CSMD3: variants seen among roughly 807,000 people sequenced by gnomAD.
CSMD3 encodes CUB and Sushi multiple domains 3.
In CSMD3, 177 loss-of-function variants were observed where a neutral mutation model predicts 435.2. The observed-to-expected ratio is 0.41, with a 90% CI of 0.36 to 0.46. The LOEUF (loss-of-function observed/expected upper bound fraction) is 0.46. Ranked by LOEUF, CSMD3 falls within the 20% of genes least tolerant of loss-of-function variation. CSMD3 has a pLI of 0.34. For synonymous variants in CSMD3, 1,656 were observed against 1,520.5 expected (o/e 1.09, Z -2.07); for missense variants, 4,265 against 4,504.6 (o/e 0.95, Z 1.52).
At chr8:112,435,701 G>A (rs1289795398) in intron 32 of CSMD3, among the ~76,000 whole-genome samples, 1 of 151,808 alleles carries the variant, frequency 6.6e-6, no homozygotes, top group Non-Finnish European at 1.5e-5. Context: ...AACACAGATG[G>A]GGCACATTTT....
At chr8:112,642,875 C>T (rs1274505569) in intron 20 of CSMD3, among the ~76,000 whole-genome samples, 2 of 152,132 alleles carry the variant, frequency 1.3e-5, no homozygotes, top group East Asian at 3.9e-4. Flanking sequence ...AACACAAATA[C>T]TGTCTTCTTC....
chr8:112,287,287 C>T (rs2130638589), intron 57 of CSMD3, 41 bp from the exon 58 acceptor site: 1 of 1,604,340 alleles, frequency 6.2e-7, no homozygotes, highest in Non-Finnish European at 8.5e-7. Flanking sequence ...TTCCCATAAA[C>T]ATTTATTAAG....
intron 27 of CSMD3, among the ~76,000 whole-genome samples, chr8:112,524,531 G>T (rs1017467533): frequency 1.3e-5 from 2 of 151,912 alleles, no homozygotes; most frequent in Non-Finnish European, 2.9e-5. Context: ...TCAACAGGAT[G>T]ATATCCTTAC....
chr8:112,335,819 T>G lies in CSMD3; in HGVS notation c.7020-345A>C, dbSNP rs142083653. ...CTTTTATTTTCTTCAGCAACAGTCT[T>G]GAGAATCACAGACTGTTAAAGTTAC... is the stretch of plus-strand genomic sequence containing the variant. On this transcript the variant is annotated intron_variant, in intron 44 of 70. Transcript: ENST00000297405. Among the ~76,000 whole-genome samples the G allele has an allele frequency of 1.2e-3, 184 of 152,112 alleles. 1 individual carries two copies. The highest frequency in any genetic ancestry group is 4.4e-3 in the African/African-American group (181 of 41,522).
chr8:112,462,777 T>G (rs1341046630), intron 32 of CSMD3, among the ~76,000 whole-genome samples: 1 of 152,170 alleles, frequency 6.6e-6, no homozygotes, highest in Non-Finnish European at 1.5e-5. Flanking sequence ...CCACCACTCC[T>G]CCTTCCCCTC....
rs1825983856 is a variant in CSMD3, at chr8:112,349,823, C to T, written c.6325+1352G>A. Among the ~76,000 whole-genome samples the T allele has an allele frequency of 4.6e-5, 7 of 152,232 alleles. No individual in the cohort carries two copies. The South Asian group carries it at 1.0e-3, about 23-fold the overall frequency. ...CATCACTCTTAAACATTTTTCAGTA[C>T]TCTTCAAAAAGAATTGTGTGCATTT... On this transcript the variant is annotated intron_variant, in intron 40 of 70. Transcript: ENST00000297405.
chr8:112,565,157 G>A (rs902307672), intron 24 of CSMD3, among the ~76,000 whole-genome samples: 2 of 151,894 alleles, frequency 1.3e-5, no homozygotes, highest in African/African-American at 2.4e-5. Context: ...ACTATATCAC[G>A]CAGCATTGAT....
At chr8:113,210,280 G>A (rs1391817573) in intron 3 of CSMD3, among the ~76,000 whole-genome samples, 2 of 152,036 alleles carry the variant, frequency 1.3e-5, no homozygotes, top group Non-Finnish European at 2.9e-5. Context: ...GATTCATGGA[G>A]TATGAGCACT....
chr8:112,228,849 T>C lies in CSMD3; in HGVS notation c.10871A>G (p.His3624Arg). 1.3e-6 allele frequency: 2 copies of C among 1,590,964 alleles called. No individual in the cohort carries two copies. The highest frequency in any genetic ancestry group is 1.7e-6 in the Non-Finnish European group (2 of 1,159,772). The stretch of plus-strand genomic sequence containing the variant: ...GGCTACAGAACTACTATTTGTACCA[T>C]GAGGTTGATTTGAAGAATTTGAACC... The part of the protein sequence containing the change: ...SEGSNSSNQP[H>R]GTNSSSVAIA... Residue 3624 changes from histidine (H) to arginine (R), a missense_variant, in exon 70 of 71, where the codon CAT (histidine) becomes CGT (arginine). Physicochemically the swap from His to Arg is conservative, Grantham distance 29. This residue lies in a region of CSMD3 where 3,255 missense variants were observed against 3,380.2 expected (regional missense o/e 0.96). Transcript: ENST00000297405.
At chr8:112,717,943 AG>A (rs2076769861) in intron 13 of CSMD3, among the ~76,000 whole-genome samples, 3 of 152,126 alleles carry the variant, frequency 2.0e-5, no homozygotes, top group Non-Finnish European at 4.4e-5. Context: ...GGAGAGCATC[AG>A]GACAAATACC....
chr8:112,527,631 G>T (rs1318769260), intron 27 of CSMD3, among the ~76,000 whole-genome samples: 3 of 151,518 alleles, frequency 2.0e-5, no homozygotes, highest in Admixed American at 1.3e-4. Context: ...GGTGCACAAG[G>T]TATTTTTTTT....
chr8:112,277,734 C>T (rs962814554), intron 59 of CSMD3, among the ~76,000 whole-genome samples: 8 of 151,984 alleles, frequency 5.3e-5, no homozygotes, highest in African/African-American at 1.7e-4. Context: ...GCTGGGGAGG[C>T]CTCACAATTA....
intron 45 of CSMD3, among the ~76,000 whole-genome samples, chr8:112,332,464 T>C (rs938052061): frequency 1.3e-5 from 2 of 152,030 alleles, no homozygotes; most frequent in Admixed American, 6.6e-5. Flanking sequence ...GACTGCAGAG[T>C]AACAATCAGT....
At chr8:113,099,246 T>C (rs1022358529) in intron 4 of CSMD3, among the ~76,000 whole-genome samples, 3 of 151,938 alleles carry the variant, frequency 2.0e-5, no homozygotes, top group African/African-American at 7.2e-5. Flanking sequence ...ATTAGGAAAA[T>C]AGAATCAAGA....
chr8:112,535,570 A>C (rs1222544692), intron 27 of CSMD3, among the ~76,000 whole-genome samples: 13 of 152,088 alleles, frequency 8.5e-5, no homozygotes, highest in East Asian at 5.8e-4. Flanking sequence ...TAGGAAGAAT[A>C]AATATTGTGA....
intron 4 of CSMD3, among the ~76,000 whole-genome samples, chr8:113,166,899 T>C (rs2092160825): frequency 6.6e-6 from 1 of 152,180 alleles, no homozygotes; most frequent in African/African-American, 2.4e-5. Flanking sequence ...ACGTAGTTAT[T>C]ACTAGTTGTT....
At chr8:113,336,601 G>A (rs937923228) in intron 1 of CSMD3, among the ~76,000 whole-genome samples, 1 of 152,042 alleles carries the variant, frequency 6.6e-6, no homozygotes, top group African/African-American at 2.4e-5. Flanking sequence ...GAATGGGAAG[G>A]GGAGGATTAC....
In CSMD3 at chr8:112,361,591, A is replaced by ATG. The variant is rs1265748394; in HGVS notation, c.6137-9058_6137-9057insCA. Among the ~76,000 whole-genome samples, 3 of 100,442 alleles carry ATG rather than the reference A, an allele frequency of 3.0e-5. No individual in the cohort carries two copies. The East Asian group carries it at 8.7e-4, about 29-fold the overall frequency. 65.9% of individuals were successfully genotyped at this position (100,442 alleles called of 152,430 possible). On this transcript the variant is annotated intron_variant, in intron 38 of 70. Transcript: ENST00000297405. ...CACATACATATATATATATATATAT[A>ATG]TATATATATATATATATATATATAT... is the stretch of plus-strand genomic sequence containing the variant.
At chr8:112,848,895 T>G (rs936208405) in intron 11 of CSMD3, among the ~76,000 whole-genome samples, 8 of 152,126 alleles carry the variant, frequency 5.3e-5, no homozygotes, top group Non-Finnish European at 1.0e-4. Flanking sequence ...TACCAGTCCC[T>G]TGACCTCCTT....
Sources: allele counts gnomAD v4.1 joint callset (sites outside exome capture counted in the v4.1 genomes callset), GRCh38; gene constraint gnomAD v4.1.1; regional missense constraint gnomAD v4.1.1; transcripts MANE v1.5; gene names NCBI Gene and HGNC (gene_info 2026-07-23, HGNC 2026-07-21).